SLC22A3: variants seen among roughly 807,000 people sequenced by gnomAD.
SLC22A3 encodes solute carrier family 22 member 3.
Under a neutral mutation model 59.1 loss-of-function variants are expected in SLC22A3, and 51 were observed. The ratio of observed to expected loss-of-function variants is 0.86; its 90% CI spans 0.69 to 1.09. The LOEUF (loss-of-function observed/expected upper bound fraction) is 1.09, where lower values mean the gene tolerates loss of function less well. SLC22A3 is among the 50% of genes least tolerant of loss of function. SLC22A3 has a pLI of 0.00. For synonymous variants in SLC22A3, 325 were observed against 292.0 expected (o/e 1.11, Z -1.15); for missense variants, 711 against 726.3 (o/e 0.98, Z 0.24).
chr6:160,449,326 A>G (rs746270400), intron 10 of SLC22A3, among the ~76,000 whole-genome samples: 4 of 152,166 alleles, frequency 2.6e-5, no homozygotes, highest in Non-Finnish European at 4.4e-5. Flanking sequence ...GAAGGATTAT[A>G]CCAGCAAAAA....
At chr6:160,395,724 A>G (rs1786444615) in intron 1 of SLC22A3, among the ~76,000 whole-genome samples, 1 of 152,182 alleles carries the variant, frequency 6.6e-6, no homozygotes, top group African/African-American at 2.4e-5. Flanking sequence ...TACTTCTTAC[A>G]TCTTGACTGA....
At chr6:160,438,579 AACACACACACACACACATACACACACAC>A (rs1377166856) in intron 7 of SLC22A3, among the ~76,000 whole-genome samples, 1 of 91,996 alleles carries the variant, frequency 1.1e-5, no homozygotes, top group Non-Finnish European at 2.0e-5. Context: ...CAATATTCGG[AACACACACACACACACATACACACACAC>A]ACACACACAC....
intron 5 of SLC22A3, among the ~76,000 whole-genome samples, chr6:160,432,199 C>T (rs112623084): frequency 9.8e-5 from 15 of 152,288 alleles, no homozygotes; most frequent in African/African-American, 2.2e-4. Flanking sequence ...AATTGGGTCA[C>T]GTGCCCAGTC....
chr6:160,447,616 C>A, intron 9 of SLC22A3, 103 bp from the exon 10 acceptor site: 1 of 923,024 alleles, frequency 1.1e-6, no homozygotes, highest in Non-Finnish European at 1.8e-6. Flanking sequence ...TGGTTGAGAG[C>A]TACTCCAGTG....
At position 160,399,680 on chromosome 6, in the gene SLC22A3, A is replaced by C. The variant is rs147082465; in HGVS notation, c.533+1598A>C. ...GAAATAACTTAATAGGCCATTTGTC[A>C]ATGAGAGTACAGTGTAGGAAGGGTG... On this transcript the variant is annotated intron_variant, in intron 2 of 10. Transcript: ENST00000275300. 1.2e-4 allele frequency among the ~76,000 whole-genome samples: 19 copies of C among 152,312 alleles called. No individual in the cohort carries two copies. In the East Asian group the frequency reaches 3.7e-3, roughly 29 times the overall value.
intron 5 of SLC22A3, among the ~76,000 whole-genome samples, chr6:160,431,942 T>C (rs1173376449): frequency 6.6e-6 from 1 of 152,218 alleles, no homozygotes; most frequent in Non-Finnish European, 1.5e-5. Flanking sequence ...AACAATCTTA[T>C]TAAACCATGG....
chr6:160,439,406 C>G (rs1788464187), intron 7 of SLC22A3, among the ~76,000 whole-genome samples: 1 of 151,876 alleles, frequency 6.6e-6, no homozygotes, highest in African/African-American at 2.4e-5. Flanking sequence ...TTCGGTGTGT[C>G]CCCTCATTTC....
intron 5 of SLC22A3, among the ~76,000 whole-genome samples, chr6:160,430,399 C>T (rs1788108024): frequency 6.6e-6 from 1 of 152,056 alleles, no homozygotes; most frequent in East Asian, 1.9e-4. Context: ...GAGCTCTGAA[C>T]ACCATATTTA....
intron 3 of SLC22A3, among the ~76,000 whole-genome samples, chr6:160,408,250 C>A (rs752998254): frequency 4.6e-5 from 7 of 152,090 alleles, no homozygotes; most frequent in African/African-American, 7.2e-5. Context: ...AAGTATAACA[C>A]TGTGGAGAGA....
intron 3 of SLC22A3, among the ~76,000 whole-genome samples, chr6:160,407,632 A>G (rs1787070311): frequency 6.6e-6 from 1 of 152,132 alleles, no homozygotes; most frequent in Non-Finnish European, 1.5e-5. Context: ...TACAAGTGGG[A>G]AACTTTTTAC....
chr6:160,443,323 C>A (rs903528779), intron 8 of SLC22A3, among the ~76,000 whole-genome samples: 7 of 152,210 alleles, frequency 4.6e-5, no homozygotes, highest in African/African-American at 1.7e-4. Flanking sequence ...AGGAAGCATT[C>A]CCTGGGCACA....
chr6:160,351,348 C>T (rs1784654043), intron 1 of SLC22A3, among the ~76,000 whole-genome samples: 1 of 152,206 alleles, frequency 6.6e-6, no homozygotes, highest in African/African-American at 2.4e-5. Context: ...ATCTCCTGAC[C>T]TCGTGATCCG....
intron 5 of SLC22A3, among the ~76,000 whole-genome samples, chr6:160,435,763 G>A (rs1347337182): frequency 6.6e-6 from 1 of 152,136 alleles, no homozygotes; most frequent in Non-Finnish European, 1.5e-5. Context: ...TTAGTAGCCA[G>A]CATTTTTGTT....
chr6:160,398,989 T>G (rs1786640391), intron 2 of SLC22A3, among the ~76,000 whole-genome samples: 1 of 152,236 alleles, frequency 6.6e-6, no homozygotes, highest in South Asian at 2.1e-4. Flanking sequence ...TTTAGAGAAC[T>G]GCAAACAGCA....
At chr6:160,450,556 C>T (rs1457872122) in intron 10 of SLC22A3, among the ~76,000 whole-genome samples, 1 of 152,064 alleles carries the variant, frequency 6.6e-6, no homozygotes, top group Non-Finnish European at 1.5e-5. Flanking sequence ...ACAAAGATAA[C>T]AGGATTAAGA....
intron 1 of SLC22A3, among the ~76,000 whole-genome samples, chr6:160,376,897 C>T (rs926178153): frequency 5.9e-5 from 9 of 152,088 alleles, no homozygotes; most frequent in African/African-American, 2.2e-4. Flanking sequence ...TTAATGTGAC[C>T]TCAGGTCCCA....
chr6:160,387,041 G>A (rs573035771), intron 1 of SLC22A3, among the ~76,000 whole-genome samples: 22 of 152,302 alleles, frequency 1.4e-4, no homozygotes, highest in African/African-American at 2.2e-4. Context: ...TGACTCATGC[G>A]CATGGCATCA....
At chr6:160,443,969 G>T (rs564415864) in intron 9 of SLC22A3, among the ~76,000 whole-genome samples, 43 of 152,270 alleles carry the variant, frequency 2.8e-4, no homozygotes, top group African/African-American at 9.9e-4. Context: ...TTATATTAAA[G>T]GGTGCTGATA....
intron 5 of SLC22A3, among the ~76,000 whole-genome samples, chr6:160,422,749 T>C (rs1225343217): frequency 6.7e-6 from 1 of 149,914 alleles, no homozygotes; most frequent in African/African-American, 2.4e-5. Flanking sequence ...AGGATTTAGA[T>C]GATGTTAGGG....
Sources: gnomAD v4.1 joint callset for allele counts (sites outside exome capture counted in the v4.1 genomes callset) on GRCh38, gnomAD v4.1.1 for gene constraint, MANE v1.5 for transcripts, NCBI Gene and HGNC (gene_info 2026-07-23, HGNC 2026-07-21) for gene names.